The following MPP7 variants were observed in gnomAD, a reference collection of about 807,000 sequenced individuals.
MPP7 encodes the protein MAGUK p55 scaffold protein 7.
A neutral mutation model predicts 76.5 loss-of-function variants in MPP7; 60 were observed. The observed-to-expected ratio is 0.78, with a 90% CI of 0.64 to 0.97. The LOEUF is 0.97. Ranked by LOEUF, MPP7 falls within the 50% of genes least tolerant of loss-of-function variation. The pLI is 0.00. For missense variants in MPP7, 641 were observed against 694.0 expected (o/e 0.92, Z 0.86); for synonymous variants, 237 against 244.5 (o/e 0.97, Z 0.29).
intron 1 of MPP7, among the ~76,000 whole-genome samples, chr10:28,277,284 G>A (rs1260300688): frequency 2.6e-5 from 4 of 151,392 alleles, no homozygotes; most frequent in Non-Finnish European, 5.9e-5. Flanking sequence ...CCAATCTTTT[G>A]GCTTTCCTGG....
Position 28,074,333 on chromosome 10 carries a change from T to C in MPP7, c.1124-4481A>G, listed in dbSNP as rs1852382026. Reference sequence around the variant, plus strand: ...TTTTATTTTTGAGACAGTCTCACTCTGCTTCCCAGGCTGGAGTACAATGGC... The same window carrying C: ...TTTTATTTTTGAGACAGTCTCACTCCGCTTCCCAGGCTGGAGTACAATGGC... On this transcript the variant is annotated intron_variant, in intron 12 of 16. Transcript: ENST00000683449. Among the ~76,000 whole-genome samples, 4 of 152,068 alleles carry C rather than the reference T, an allele frequency of 2.6e-5. No individual in the cohort carries two copies. In the South Asian group the frequency reaches 8.3e-4, roughly 32 times the overall value.
At chr10:28,177,710 A>C (rs774752182) in intron 3 of MPP7, among the ~76,000 whole-genome samples, 1 of 152,348 alleles carries the variant, frequency 6.6e-6, no homozygotes, top group South Asian at 2.1e-4. Context: ...ATTAAAAATA[A>C]CAGAAATGAG....
At chr10:28,251,604 T>C (rs1037196902) in intron 1 of MPP7, among the ~76,000 whole-genome samples, 1 of 152,216 alleles carries the variant, frequency 6.6e-6, no homozygotes, top group Non-Finnish European at 1.5e-5. Context: ...CTGTAAAATA[T>C]AACAGAAAAG....
intron 2 of MPP7, among the ~76,000 whole-genome samples, chr10:28,226,610 G>A (rs1838699624): frequency 6.6e-6 from 1 of 152,154 alleles, no homozygotes; most frequent in Non-Finnish European, 1.5e-5. Flanking sequence ...TTAGGAAGCA[G>A]ATAGTGGTGA....
intron 3 of MPP7, among the ~76,000 whole-genome samples, chr10:28,163,785 T>C (rs1836345800): frequency 6.6e-6 from 1 of 150,952 alleles, no homozygotes; most frequent in Non-Finnish European, 1.5e-5. Context: ...CCGTCTCTAC[T>C]AAAAATACAA....
At chr10:28,281,381 A>C (rs1179826178) in intron 1 of MPP7, among the ~76,000 whole-genome samples, 1 of 152,062 alleles carries the variant, frequency 6.6e-6, no homozygotes, top group Non-Finnish European at 1.5e-5. Context: ...GAGCCACTGC[A>C]CCAGGCCTAA....
chr10:28,284,527 A>C (rs996746972), intron 1 of MPP7, among the ~76,000 whole-genome samples: 1 of 152,214 alleles, frequency 6.6e-6, no homozygotes, highest in African/African-American at 2.4e-5. Context: ...CCTAATTCCA[A>C]TAGGACCTCT....
chr10:28,333,100 G>A (rs776409708), intron 1 of MPP7, among the ~76,000 whole-genome samples: 1 of 152,034 alleles, frequency 6.6e-6, no homozygotes. Context: ...TTAACCTAAT[G>A]TGTTAAAATT....
intron 5 of MPP7, among the ~76,000 whole-genome samples, chr10:28,142,875 A>T (rs969539031): frequency 2.0e-5 from 3 of 152,240 alleles, no homozygotes; most frequent in African/African-American, 7.2e-5. Context: ...GGAAACAATG[A>T]TCAAAACTGT....
At chr10:28,256,740 A>G (rs1839799409) in intron 1 of MPP7, among the ~76,000 whole-genome samples, 2 of 152,268 alleles carry the variant, frequency 1.3e-5, no homozygotes, top group Admixed American at 6.5e-5. Flanking sequence ...TTCAAATGGC[A>G]ATCATGGCCC....
At chr10:28,323,113 C>A (rs576416883) in intron 2 of MPP7, among the ~76,000 whole-genome samples, 4 of 151,952 alleles carry the variant, frequency 2.6e-5, no homozygotes, top group Non-Finnish European at 5.9e-5. Flanking sequence ...GGTGAAACCC[C>A]GTCTCTACTA....
intron 3 of MPP7, among the ~76,000 whole-genome samples, chr10:28,199,871 C>T (rs988595701): frequency 7.8e-6 from 1 of 128,182 alleles, no homozygotes; most frequent in East Asian, 4.0e-4. Flanking sequence ...CTGCACTCAG[C>T]CCATTTAAAC....
At chr10:28,237,618 C>T (rs768860187) in intron 2 of MPP7, among the ~76,000 whole-genome samples, 5 of 152,136 alleles carry the variant, frequency 3.3e-5, no homozygotes, top group Non-Finnish European at 7.4e-5. Flanking sequence ...ATTTCTGTTT[C>T]GGTGTTTTTG....
intron 2 of MPP7, among the ~76,000 whole-genome samples, chr10:28,218,026 A>T (rs773254960): frequency 6.6e-6 from 1 of 152,246 alleles, no homozygotes; most frequent in Non-Finnish European, 1.5e-5. Flanking sequence ...CTCCTCATGG[A>T]GACTTTACGC....
At chr10:28,227,273 G>A (rs59522138) in intron 2 of MPP7, among the ~76,000 whole-genome samples, 26,357 of 152,154 alleles carry the variant, frequency 0.17, 2,568 homozygotes, top group African/African-American at 0.26. Context: ...AGAACAGCTT[G>A]AGGTCAACTA....
chr10:28,300,797 T>TTA (rs1564765747), intron 1 of MPP7, among the ~76,000 whole-genome samples: 1 of 142,236 alleles, frequency 7.0e-6, no homozygotes, highest in South Asian at 2.2e-4. Flanking sequence ...ACAAAAATAT[T>TTA]AAAAAAAAAA....
chr10:28,296,441 CACTT>C (rs1841036925), intron 1 of MPP7, among the ~76,000 whole-genome samples: 1 of 152,208 alleles, frequency 6.6e-6, no homozygotes. Context: ...AAGACTTTCT[CACTT>C]AGATTCCTAT....
At chr10:28,329,173 T>C (rs564254317) in intron 2 of MPP7, among the ~76,000 whole-genome samples, 59 of 152,340 alleles carry the variant, frequency 3.9e-4, no homozygotes, top group African/African-American at 1.3e-3. Context: ...TTTCAAAACA[T>C]TGCTTGCTCT....
At chr10:28,182,052 T>C (rs575106823) in intron 3 of MPP7, among the ~76,000 whole-genome samples, 28 of 152,322 alleles carry the variant, frequency 1.8e-4, no homozygotes, top group Non-Finnish European at 2.2e-4. Flanking sequence ...TTAACACTTA[T>C]GATAAATTAT....
Sources: allele counts gnomAD v4.1 joint callset (sites outside exome capture counted in the v4.1 genomes callset), GRCh38; gene constraint gnomAD v4.1.1; transcripts MANE v1.5; gene names NCBI Gene and HGNC (gene_info 2026-07-23, HGNC 2026-07-21).